TTC28: variants seen among roughly 807,000 people sequenced by gnomAD.
TTC28 encodes the protein tetratricopeptide repeat protein 28.
A neutral mutation model predicts 198.0 loss-of-function variants in TTC28; 61 were observed. That is an observed-to-expected ratio of 0.31 (90% confidence interval 0.25 to 0.38). TTC28 has a LOEUF of 0.38. Ranked by LOEUF, TTC28 falls within the 10% of genes least tolerant of loss-of-function variation. The pLI, the probability that TTC28 is intolerant of heterozygous loss-of-function variation, is 1.00. For synonymous variants in TTC28, 1,171 were observed against 1,297.8 expected (o/e 0.90, Z 2.10); for missense variants, 2,678 against 3,164.0 (o/e 0.85, Z 3.69).
intron 2 of TTC28, among the ~76,000 whole-genome samples, chr22:28,350,466 C>A (rs2045974919): frequency 6.6e-6 from 1 of 152,080 alleles, no homozygotes; most frequent in South Asian, 2.1e-4. Context: ...TGGGGTCAAT[C>A]ACAGGAATGA....
intron 2 of TTC28, among the ~76,000 whole-genome samples, chr22:28,377,957 G>A (rs921682350): frequency 6.6e-6 from 1 of 152,060 alleles, no homozygotes; most frequent in Admixed American, 6.5e-5. Flanking sequence ...TGTTCAAGAA[G>A]CTAGAAAAAA....
At position 28,014,390 on chromosome 22, in the gene TTC28, C is replaced by T. The variant is rs1490263116; in HGVS notation, c.4076G>A (p.Ser1359Asn). The T allele has an allele frequency of 6.5e-7, 1 of 1,549,210 alleles. No homozygotes were observed. The highest frequency in any genetic ancestry group is 8.7e-7 in the Non-Finnish European group (1 of 1,145,802). ...GAACAGGCTCGTCATGCTCTGGCAG[C>T]TCCTGGGGAGGGAAGGGCCGAGGGA... The part of the protein sequence containing the change: ...MVRRNNLFNR[S>N]CQSMTSLFSN... Residue 1359 changes from serine to asparagine, a missense_variant and splice_region_variant, in exon 14 of 23, where the codon AGC becomes AAC. Coordinates refer to ENST00000397906, the MANE Select transcript of TTC28 (RefSeq NM_001145418.2).
At chr22:28,073,479 C>T (rs1043396426) in intron 12 of TTC28, among the ~76,000 whole-genome samples, 1 of 152,196 alleles carries the variant, frequency 6.6e-6, no homozygotes, top group African/African-American at 2.4e-5. Flanking sequence ...CTCACCCACA[C>T]AGAGGTGTGT....
chr22:28,041,019 C>T (rs778439320), intron 12 of TTC28, among the ~76,000 whole-genome samples: 10 of 152,048 alleles, frequency 6.6e-5, no homozygotes, highest in Non-Finnish European at 1.3e-4. Context: ...GAAATCCAAC[C>T]TACAAGGGAT....
chr22:28,044,601 C>T (rs1409008423), intron 12 of TTC28, among the ~76,000 whole-genome samples: 4 of 152,142 alleles, frequency 2.6e-5, no homozygotes, highest in Non-Finnish European at 2.9e-5. Context: ...TATCCCTCCC[C>T]GCTCCCCCCA....
At chr22:28,580,686 T>G (rs1050103549) in intron 2 of TTC28, among the ~76,000 whole-genome samples, 1 of 152,228 alleles carries the variant, frequency 6.6e-6, no homozygotes, top group Non-Finnish European at 1.5e-5. Flanking sequence ...TCCTACTGAA[T>G]GTAGAATTAT....
At chr22:28,611,711 A>C (rs1159057723) in intron 2 of TTC28, among the ~76,000 whole-genome samples, 3 of 130,990 alleles carry the variant, frequency 2.3e-5, no homozygotes, top group African/African-American at 8.4e-5. Context: ...TCCTGTGTCC[A>C]TGTGATCTCA....
intron 2 of TTC28, among the ~76,000 whole-genome samples, chr22:28,588,923 G>A (rs956601956): frequency 4.6e-5 from 7 of 152,136 alleles, no homozygotes; most frequent in Non-Finnish European, 7.4e-5. Flanking sequence ...TGTTCTTGCC[G>A]TTAATTTTTA....
At chr22:28,231,535 G>A (rs903842092) in intron 5 of TTC28, among the ~76,000 whole-genome samples, 42 of 152,302 alleles carry the variant, frequency 2.8e-4, no homozygotes, top group African/African-American at 9.1e-4. Flanking sequence ...TAATACAAGA[G>A]TGGCTCATGT....
At chr22:28,344,441 A>G (rs960137215) in intron 2 of TTC28, among the ~76,000 whole-genome samples, 2 of 152,160 alleles carry the variant, frequency 1.3e-5, no homozygotes, top group Non-Finnish European at 2.9e-5. Flanking sequence ...CATGACACTG[A>G]CACCACTAGC....
chr22:28,069,230 T>G (rs559848491), intron 12 of TTC28, among the ~76,000 whole-genome samples: 1 of 152,218 alleles, frequency 6.6e-6, no homozygotes, highest in Non-Finnish European at 1.5e-5. Context: ...AAGTCTTTTT[T>G]AAGGCCGACG....
At chr22:28,314,180 G>A (rs994568384) in intron 2 of TTC28, among the ~76,000 whole-genome samples, 3 of 152,110 alleles carry the variant, frequency 2.0e-5, no homozygotes, top group African/African-American at 7.2e-5. Context: ...TCTTCAAGGA[G>A]AACTACAAAC....
At chr22:28,255,681 CAA>C (rs134192) in intron 5 of TTC28, among the ~76,000 whole-genome samples, 20 of 114,660 alleles carry the variant, frequency 1.7e-4, no homozygotes, top group Middle Eastern at 4.5e-3. Flanking sequence ...AACTCCGTCT[CAA>C]AAAAAAAAAA....
intron 2 of TTC28, among the ~76,000 whole-genome samples, chr22:28,487,256 A>G (rs982857415): frequency 3.3e-5 from 5 of 152,002 alleles, no homozygotes; most frequent in Admixed American, 6.6e-5. Flanking sequence ...AGATTAATAA[A>G]TTATCTTTGT....
At chr22:28,104,484 T>G (rs145526131) in intron 8 of TTC28, among the ~76,000 whole-genome samples, 5 of 152,338 alleles carry the variant, frequency 3.3e-5, no homozygotes, top group African/African-American at 4.8e-5. Flanking sequence ...GTGAGCTATC[T>G]GCCCTTTTTC....
intron 6 of TTC28, among the ~76,000 whole-genome samples, chr22:28,140,144 A>G (rs1355733567): frequency 6.6e-6 from 1 of 152,172 alleles, no homozygotes; most frequent in East Asian, 1.9e-4. Flanking sequence ...GGTTGTTGTG[A>G]GGACAAACCG....
At chr22:28,365,120 G>C (rs1269186641) in intron 2 of TTC28, among the ~76,000 whole-genome samples, 1 of 152,176 alleles carries the variant, frequency 6.6e-6, no homozygotes, top group African/African-American at 2.4e-5. Context: ...CCACTGAACT[G>C]ATTAGTCAGC....
At chr22:28,568,359 G>A (rs1363445463) in intron 2 of TTC28, among the ~76,000 whole-genome samples, 9 of 152,124 alleles carry the variant, frequency 5.9e-5, no homozygotes, top group Non-Finnish European at 1.3e-4. Flanking sequence ...GGAAGTCCTA[G>A]CCAGAGCAAT....
chr22:28,378,824 A>T (rs2046452964), intron 2 of TTC28, among the ~76,000 whole-genome samples: 1 of 152,166 alleles, frequency 6.6e-6, no homozygotes, highest in African/African-American at 2.4e-5. Context: ...CCGAATATAC[A>T]AGTAATTGAA....
Sources: gnomAD v4.1 joint callset for allele counts (sites outside exome capture counted in the v4.1 genomes callset) on GRCh38, gnomAD v4.1.1 for gene constraint, MANE v1.5 for transcripts, NCBI Gene and HGNC (gene_info 2026-07-23, HGNC 2026-07-21) for gene names.